Variants in CCDC146 observed in about 807,000 individuals in gnomAD.
CCDC146 encodes the protein coiled-coil domain containing 146.
Under a neutral mutation model 119.3 loss-of-function variants are expected in CCDC146, and 92 were observed. The observed-to-expected ratio is 0.77, with a 90% CI of 0.65 to 0.92. The LOEUF is 0.92. Ranked by LOEUF, CCDC146 falls within the 40% of genes least tolerant of loss-of-function variation. The probability of loss-of-function intolerance (pLI) is 0.00; values close to 1 mark genes in which losing one functional copy is unlikely to be tolerated. For synonymous variants in CCDC146, 372 were observed against 371.8 expected (o/e 1.00, Z -0.01); for missense variants, 1,000 against 1,103.0 (o/e 0.91, Z 1.32).
chr7:77,152,731 A>G (rs562223993), intron 1 of CCDC146, among the ~76,000 whole-genome samples: 2 of 152,326 alleles, frequency 1.3e-5, no homozygotes, highest in Non-Finnish European at 2.9e-5. Context: ...AAAAGGACCC[A>G]GATCATCTTT....
chr7:77,256,220 A>G, intron 5 of CCDC146, 113 bp from the exon 6 acceptor site: 1 of 710,720 alleles, frequency 1.4e-6, no homozygotes, highest in Middle Eastern at 4.2e-4. Flanking sequence ...TCATTCATGA[A>G]CTTCAAAACA....
chr7:77,188,735 T>A (rs1791711079), intron 2 of CCDC146, among the ~76,000 whole-genome samples: 1 of 152,214 alleles, frequency 6.6e-6, no homozygotes, highest in Non-Finnish European at 1.5e-5. Context: ...GATGATTTTT[T>A]AAGATATCCA....
intron 1 of CCDC146, among the ~76,000 whole-genome samples, chr7:77,143,203 T>C (rs1790962840): frequency 6.6e-6 from 1 of 151,882 alleles, no homozygotes; most frequent in Admixed American, 6.5e-5. Context: ...GTTGGCTGCA[T>C]AAATGTCTTC....
intron 15 of CCDC146, among the ~76,000 whole-genome samples, chr7:77,286,014 A>G (rs927965574): frequency 1.3e-5 from 2 of 152,208 alleles, no homozygotes; most frequent in Non-Finnish European, 2.9e-5. Context: ...ACAACCTGCA[A>G]TGAAGAGGTG....
intron 1 of CCDC146, among the ~76,000 whole-genome samples, chr7:77,139,490 A>C (rs185954055): frequency 4.3e-4 from 65 of 152,336 alleles, no homozygotes; most frequent in African/African-American, 1.3e-3. Context: ...CAACGCTAAG[A>C]GTGAACTCTA....
intron 2 of CCDC146, among the ~76,000 whole-genome samples, chr7:77,201,717 ATTGT>A (rs1391327249): frequency 6.6e-6 from 1 of 152,140 alleles, no homozygotes; most frequent in Non-Finnish European, 1.5e-5. Context: ...TCTTTCAAAA[ATTGT>A]TTTTCTCTTC....
intron 2 of CCDC146, among the ~76,000 whole-genome samples, chr7:77,191,579 C>T (rs2150424557): frequency 1.3e-5 from 2 of 152,212 alleles, no homozygotes. Flanking sequence ...TGCCAGGACC[C>T]CACCTACTGT....
At chr7:77,168,823 T>A (rs1269202657) in intron 2 of CCDC146, among the ~76,000 whole-genome samples, 1 of 152,108 alleles carries the variant, frequency 6.6e-6, no homozygotes, top group East Asian at 1.9e-4. Context: ...TCTATCTTCT[T>A]GTTCTCTCAA....
At chr7:77,279,123 G>A (rs759100801) in intron 13 of CCDC146, 22 bp downstream of exon 13, 25 of 1,599,010 alleles carry the variant, frequency 1.6e-5, no homozygotes, top group Non-Finnish European at 1.6e-5. Flanking sequence ...AATAACTATT[G>A]GCCTTTCAAA....
intron 1 of CCDC146, among the ~76,000 whole-genome samples, chr7:77,167,347 TACTG>T (rs1351099457): frequency 6.6e-6 from 1 of 152,154 alleles, no homozygotes; most frequent in Non-Finnish European, 1.5e-5. Flanking sequence ...TCTAGGCTGA[TACTG>T]ACTTGCATTC....
intron 2 of CCDC146, among the ~76,000 whole-genome samples, chr7:77,172,243 C>T (rs548181917): frequency 6.6e-6 from 1 of 152,314 alleles, no homozygotes; most frequent in South Asian, 2.1e-4. Context: ...TTTAGGATTA[C>T]TCTAAAATTT....
chr7:77,288,383 G>A (rs1453742734), intron 17 of CCDC146, among the ~76,000 whole-genome samples: 1 of 152,232 alleles, frequency 6.6e-6, no homozygotes, highest in African/African-American at 2.4e-5. Flanking sequence ...CATGGTGCCT[G>A]CAGGTCTTGC....
chr7:77,160,709 C>T (rs1791247971), intron 1 of CCDC146, among the ~76,000 whole-genome samples: 1 of 152,180 alleles, frequency 6.6e-6, no homozygotes, highest in African/African-American at 2.4e-5. Context: ...ATCATGTCAT[C>T]TGCAAACAGG....
intron 1 of CCDC146, among the ~76,000 whole-genome samples, chr7:77,156,126 T>A (rs910787876): frequency 3.6e-4 from 55 of 152,188 alleles, no homozygotes; most frequent in African/African-American, 1.2e-3. Flanking sequence ...TTCTCCACCA[T>A]CATGTTGCAA....
chr7:77,286,445 G>A (rs1045028144), intron 15 of CCDC146, among the ~76,000 whole-genome samples: 8 of 152,058 alleles, frequency 5.3e-5, no homozygotes, highest in Admixed American at 2.6e-4. Flanking sequence ...GGGACACATC[G>A]AAACCATATC....
chr7:77,243,093 T>G (rs1410364097), intron 4 of CCDC146, among the ~76,000 whole-genome samples: 1 of 152,242 alleles, frequency 6.6e-6, no homozygotes, highest in Non-Finnish European at 1.5e-5. Context: ...AATTGGTGGT[T>G]GTTCATTAGC....
At chr7:77,208,321 A>G (rs902167272) in intron 2 of CCDC146, among the ~76,000 whole-genome samples, 8 of 152,200 alleles carry the variant, frequency 5.3e-5, no homozygotes, top group Non-Finnish European at 7.3e-5. Context: ...TGTTGTGCTA[A>G]TATCATAGAG....
chr7:77,203,012 C>T (rs1792020191), intron 2 of CCDC146, among the ~76,000 whole-genome samples: 1 of 137,540 alleles, frequency 7.3e-6, no homozygotes, highest in African/African-American at 2.7e-5. Flanking sequence ...GGTTTTTGAG[C>T]AAGGAAAATA....
chr7:77,126,347 C>T (rs1315854939), intron 1 of CCDC146, among the ~76,000 whole-genome samples: 1 of 152,030 alleles, frequency 6.6e-6, no homozygotes, highest in Non-Finnish European at 1.5e-5. Context: ...TGGCCAGAAA[C>T]CTCTGTGGCC....
Sources: allele counts gnomAD v4.1 joint callset (sites outside exome capture counted in the v4.1 genomes callset), GRCh38; gene constraint gnomAD v4.1.1; transcripts MANE v1.5; gene names NCBI Gene and HGNC (gene_info 2026-07-23, HGNC 2026-07-21).